RAB20: variants seen among roughly 807,000 people sequenced by gnomAD.
The protein encoded by RAB20 is ras-related protein Rab-20.
Under a neutral mutation model 3.7 loss-of-function variants are expected in RAB20, and 2 were observed. The ratio of observed to expected loss-of-function variants is 0.54; its 90% CI spans 0.22 to 1.69. The LOEUF (loss-of-function observed/expected upper bound fraction) is 1.69. Ranked by LOEUF, RAB20 falls within the 40% of genes most tolerant of loss-of-function variation. The probability of loss-of-function intolerance (pLI) is 0.19; values close to 1 mark genes in which losing one functional copy is unlikely to be tolerated. For missense variants in RAB20, 276 were observed against 311.9 expected (o/e 0.88, Z 0.87); for synonymous variants, 126 against 130.8 (o/e 0.96, Z 0.25).
In RAB20 at chr13:110,561,336, C is replaced by G. The variant is rs1340261557; in HGVS notation, c.172+12G>C. 6.3e-7 allele frequency: 1 copy of G among 1,585,128 alleles called. No individual in the cohort carries two copies. The highest frequency in any genetic ancestry group is 1.1e-5 in the South Asian group (1 of 88,592). On this transcript the variant is annotated intron_variant, in intron 1 of 1. Transcript: ENST00000267328. Reference sequence around the variant, plus strand: ...CCCCAGGGCGGTGTGGCTCATGCGGCGCCGGCCTCACCTGCGGTGTCCCAG... The same window carrying G: ...CCCCAGGGCGGTGTGGCTCATGCGGGGCCGGCCTCACCTGCGGTGTCCCAG...
intron 1 of RAB20, among the ~76,000 whole-genome samples, chr13:110,559,497 G>GAGGC (rs1418372311): frequency 6.6e-6 from 1 of 152,180 alleles, no homozygotes; most frequent in Non-Finnish European, 1.5e-5. Flanking sequence ...GGCCACCGAG[G>GAGGC]AGGCAGGCAA....
intron 1 of RAB20, among the ~76,000 whole-genome samples, chr13:110,534,198 A>T (rs1884599952): frequency 6.6e-6 from 1 of 152,216 alleles, no homozygotes; most frequent in African/African-American, 2.4e-5. Flanking sequence ...AGAAGTAAAG[A>T]CTGAGCTCTT....
intron 1 of RAB20, among the ~76,000 whole-genome samples, chr13:110,548,386 A>C (rs1884890528): frequency 6.6e-6 from 1 of 152,110 alleles, no homozygotes; most frequent in Non-Finnish European, 1.5e-5. Flanking sequence ...CGGGAGGCTG[A>C]GGCAGGAGAA....
rs575617099 is a variant in RAB20 at position 110,527,127 on chromosome 13, A to G, written c.173-2930T>C. On this transcript the variant is annotated intron_variant, in intron 1 of 1. Transcript: ENST00000267328. ...GTTTAGAGCCAAATAGCCAAGAAGC[A>G]CAACCAAATTTCATCCCATTCCCAT... Among the ~76,000 whole-genome samples, 4 of 152,236 alleles carry G rather than the reference A, an allele frequency of 2.6e-5. No individual in the cohort carries two copies. The South Asian group carries it at 8.3e-4, about 32-fold the overall frequency.
intron 1 of RAB20, among the ~76,000 whole-genome samples, chr13:110,552,377 T>G (rs1320303829): frequency 1.1e-5 from 1 of 89,742 alleles, no homozygotes; most frequent in Non-Finnish European, 2.1e-5. Flanking sequence ...AGACTCTGTC[T>G]CAAAAAAAAA....
chr13:110,525,323 C>T (rs1884409634), intron 1 of RAB20, among the ~76,000 whole-genome samples: 1 of 152,216 alleles, frequency 6.6e-6, no homozygotes, highest in Admixed American at 6.5e-5. Flanking sequence ...TAAAAGGTCC[C>T]CAGCTCTGTG....
chr13:110,560,459 G>A (rs748292894), intron 1 of RAB20, among the ~76,000 whole-genome samples: 7 of 152,102 alleles, frequency 4.6e-5, no homozygotes, highest in African/African-American at 7.2e-5. Flanking sequence ...GGGCCTTTGG[G>A]TATATGACTT....
intron 1 of RAB20, among the ~76,000 whole-genome samples, chr13:110,545,075 C>T (rs1884829751): frequency 6.6e-6 from 1 of 152,146 alleles, no homozygotes; most frequent in African/African-American, 2.4e-5. Context: ...TGAGGTCTCC[C>T]CAGCCATGTG....
At chr13:110,544,538 C>T (rs79493923) in intron 1 of RAB20, among the ~76,000 whole-genome samples, 12 of 152,146 alleles carry the variant, frequency 7.9e-5, no homozygotes, top group Admixed American at 7.2e-4. Flanking sequence ...CCAAAAAGGG[C>T]AAAATCATGA....
chr13:110,537,416 A>C (rs1477127700), intron 1 of RAB20, among the ~76,000 whole-genome samples: 4 of 152,086 alleles, frequency 2.6e-5, no homozygotes, highest in African/African-American at 9.7e-5. Context: ...GTCCTTCTTC[A>C]GATATGTGAG....
Position 110,524,099 on chromosome 13 carries a change from G to A in RAB20, c.271C>T (p.Leu91=). 6.2e-7 allele frequency: 1 copy of A among 1,613,266 alleles called. No homozygotes were observed. The highest frequency in any genetic ancestry group is 8.5e-7 in the Non-Finnish European group (1 of 1,180,022). The change falls in exon 2 of 2, where the codon CTG becomes TTG. Residue 91 remains leucine, a synonymous_variant. Coordinates refer to ENST00000267328, the MANE Select transcript of RAB20 (RefSeq NM_017817.3). ...GTCAGGCCCAGGAACCGGTCCTCCA[G>A]CTCCACCAGGCTCTGCCGGTGATTC... The part of the protein sequence containing the change: ...DVNHRQSLVE[L]EDRFLGLTDT...
intron 1 of RAB20, among the ~76,000 whole-genome samples, chr13:110,535,324 C>A (rs1009158695): frequency 6.6e-6 from 1 of 152,220 alleles, no homozygotes; most frequent in Admixed American, 6.5e-5. Flanking sequence ...ACCCCCAACC[C>A]GAACCCACCC....
At chr13:110,548,055 T>C (rs1158993943) in intron 1 of RAB20, among the ~76,000 whole-genome samples, 1 of 152,182 alleles carries the variant, frequency 6.6e-6, no homozygotes, top group African/African-American at 2.4e-5. Flanking sequence ...GTAATAAAAT[T>C]GAGAATTTCC....
intron 1 of RAB20, among the ~76,000 whole-genome samples, chr13:110,548,420 G>T (rs1884891386): frequency 6.6e-6 from 1 of 150,898 alleles, no homozygotes; most frequent in Non-Finnish European, 1.5e-5. Flanking sequence ...GGAGGTGGAG[G>T]TTGCAGTGAG....
Position 110,524,000 on chromosome 13 carries a change from C to A in RAB20, c.370G>T (p.Ala124Ser). 6.2e-7 allele frequency: 1 copy of A among 1,614,140 alleles called. No homozygotes were observed. Among genetic ancestry groups the A allele is most frequent in the Non-Finnish European group, 8.5e-7 (1 of 1,180,026 alleles). ...CTGCACTCTTCCTTCTCCTGGCCCGCCAAGGCCCCCTCCTCAGTGAGGTCC... is the reference window on the plus strand; with the variant it reads ...CTGCACTCTTCCTTCTCCTGGCCCGACAAGGCCCCCTCCTCAGTGAGGTCC... ...KVDLTEEGAL[A>S]GQEKEECSPN... The change falls in exon 2 of 2, where the codon GCG becomes TCG. Residue 124 changes from alanine (A) to serine (S), a missense_variant. Coordinates refer to ENST00000267328, the MANE Select transcript of RAB20 (RefSeq NM_017817.3).
intron 1 of RAB20, among the ~76,000 whole-genome samples, chr13:110,551,579 G>A (rs1423456479): frequency 2.6e-5 from 4 of 152,174 alleles, no homozygotes; most frequent in South Asian, 2.1e-4. Flanking sequence ...GGGTTGAAAC[G>A]AAGCTGGAAC....
intron 1 of RAB20, among the ~76,000 whole-genome samples, chr13:110,545,446 T>G (rs1370081487): frequency 2.0e-5 from 3 of 152,242 alleles, no homozygotes; most frequent in African/African-American, 7.2e-5. Flanking sequence ...GTGAATGCTC[T>G]TTGTCTGTGG....
intron 1 of RAB20, among the ~76,000 whole-genome samples, chr13:110,560,448 G>A (rs779360413): frequency 6.6e-6 from 1 of 152,128 alleles, no homozygotes; most frequent in Non-Finnish European, 1.5e-5. Context: ...AATTCTGGAC[G>A]GGGCCTTTGG....
intron 1 of RAB20, among the ~76,000 whole-genome samples, chr13:110,539,354 G>A (rs1465221749): frequency 6.6e-6 from 1 of 152,048 alleles, no homozygotes; most frequent in Non-Finnish European, 1.5e-5. Context: ...GGACTGCTTG[G>A]CAAATACTGA....
Sources: allele counts gnomAD v4.1 joint callset (sites outside exome capture counted in the v4.1 genomes callset), GRCh38; gene constraint gnomAD v4.1.1; transcripts MANE v1.5; gene names NCBI Gene and HGNC (gene_info 2026-07-23, HGNC 2026-07-21).